Variants in TNIK observed in about 807,000 individuals in gnomAD.
TNIK encodes TRAF2 and NCK interacting kinase, also known as TRAF2 and NCK-interacting protein kinase.
TNIK carries 49 observed loss-of-function variants against 191.3 expected under a neutral mutation model. The observed-to-expected ratio is 0.26, with a 90% CI of 0.20 to 0.32. TNIK has a LOEUF of 0.32. Ranked by LOEUF, TNIK falls within the 10% of genes least tolerant of loss-of-function variation. The probability of loss-of-function intolerance (pLI) is 1.00; values close to 1 mark genes in which losing one functional copy is unlikely to be tolerated. For missense variants in TNIK, 1,155 were observed against 1,702.3 expected, an observed-to-expected ratio of 0.68 and a Z score of 5.66; for synonymous variants, 594 against 600.9, an observed-to-expected ratio of 0.99 and a Z score of 0.17.
intron 15 of TNIK, among the ~76,000 whole-genome samples, chr3:171,134,514 G>A (rs896554344): frequency 2.0e-5 from 3 of 152,224 alleles, no homozygotes; most frequent in African/African-American, 7.2e-5. Flanking sequence ...ACTACTCCTG[G>A]GTTCCAGAGA....
At chr3:171,244,059 A>AGTT (rs746551031) in intron 2 of TNIK, among the ~76,000 whole-genome samples, 17 of 106,396 alleles carry the variant, frequency 1.6e-4, no homozygotes, top group Non-Finnish European at 3.0e-4. Flanking sequence ...AGACAGAAAT[A>AGTT]GTTTTTTTTT....
At chr3:171,212,838 G>A (rs1427922766) in intron 3 of TNIK, among the ~76,000 whole-genome samples, 4 of 152,164 alleles carry the variant, frequency 2.6e-5, no homozygotes, top group African/African-American at 9.7e-5. Context: ...ATAGTGAAGT[G>A]CTGACATTTG....
At chr3:171,179,483 G>A (rs1197410803) in intron 7 of TNIK, among the ~76,000 whole-genome samples, 2 of 151,370 alleles carry the variant, frequency 1.3e-5, no homozygotes, top group South Asian at 4.2e-4. Flanking sequence ...ACGGAGTCTC[G>A]CTCTGTCGCC....
intron 30 of TNIK, among the ~76,000 whole-genome samples, chr3:171,067,544 C>T (rs995447780): frequency 6.6e-6 from 1 of 151,868 alleles, no homozygotes; most frequent in African/African-American, 2.4e-5. Context: ...ATGGTGGGCA[C>T]CTGTAGTCCC....
chr3:171,078,548 A>T (rs1185668298), intron 28 of TNIK, among the ~76,000 whole-genome samples: 5 of 151,772 alleles, frequency 3.3e-5, no homozygotes, highest in Non-Finnish European at 5.9e-5. Context: ...TAAAGCTATT[A>T]TAGTTTCTTG....
intron 2 of TNIK, among the ~76,000 whole-genome samples, chr3:171,305,332 A>T (rs1378757352): frequency 6.6e-6 from 1 of 152,128 alleles, no homozygotes; most frequent in African/African-American, 2.4e-5. Context: ...CTGGGCCAAA[A>T]GCAATTGCAA....
intron 1 of TNIK, among the ~76,000 whole-genome samples, chr3:171,441,784 C>T (rs1453662588): frequency 6.6e-6 from 1 of 152,134 alleles, no homozygotes; most frequent in Non-Finnish European, 1.5e-5. Flanking sequence ...TATGAGAGTT[C>T]CAGTTTCTGC....
At chr3:171,225,644 C>T (rs1008305918) in intron 3 of TNIK, 5 of 455,932 alleles carry the variant, frequency 1.1e-5, no homozygotes, top group South Asian at 6.2e-5. Context: ...ATTCCTTAAG[C>T]TGAAAATACA....
intron 4 of TNIK, among the ~76,000 whole-genome samples, chr3:171,199,943 T>G (rs1577100271): frequency 6.6e-6 from 1 of 152,378 alleles, no homozygotes; most frequent in African/African-American, 2.4e-5. Flanking sequence ...CAGTGTCCAC[T>G]TCACTTGGAT....
At chr3:171,344,957 C>T (rs1175026556) in intron 2 of TNIK, among the ~76,000 whole-genome samples, 1 of 151,998 alleles carries the variant, frequency 6.6e-6, no homozygotes, top group East Asian at 1.9e-4. Context: ...TCTACTTTGG[C>T]CCAGGCTCCA....
chr3:171,425,670 A>C (rs1724456718), intron 1 of TNIK, among the ~76,000 whole-genome samples: 1 of 152,048 alleles, frequency 6.6e-6, no homozygotes, highest in Non-Finnish European at 1.5e-5. Context: ...TACTAAAAAT[A>C]CAGAAAAGTT....
chr3:171,167,045 A>T, intron 10 of TNIK, 50 bp downstream of exon 10: 2 of 1,580,950 alleles, frequency 1.3e-6, no homozygotes, highest in Non-Finnish European at 1.7e-6. Flanking sequence ...AGCGCCCATG[A>T]TTCACTCCAT....
At chr3:171,175,592 A>T (rs1221038038) in intron 8 of TNIK, among the ~76,000 whole-genome samples, 1 of 152,246 alleles carries the variant, frequency 6.6e-6, no homozygotes, top group Non-Finnish European at 1.5e-5. Context: ...ATTTAAGGAA[A>T]CTAAGTTAAA....
At chr3:171,229,905 A>G (rs530366969) in intron 2 of TNIK, among the ~76,000 whole-genome samples, 1 of 152,080 alleles carries the variant, frequency 6.6e-6, no homozygotes, top group African/African-American at 2.4e-5. Flanking sequence ...TTACCTTGTA[A>G]AGAGCCCTGG....
intron 2 of TNIK, among the ~76,000 whole-genome samples, chr3:171,316,877 C>T (rs757647042): frequency 3.0e-4 from 45 of 149,640 alleles, no homozygotes; most frequent in Non-Finnish European, 5.2e-4. Context: ...GAACTATATA[C>T]AAGCGATTAC....
chr3:171,324,943 T>C (rs79569298), intron 2 of TNIK, among the ~76,000 whole-genome samples: 1 of 151,240 alleles, frequency 6.6e-6, no homozygotes, highest in East Asian at 1.9e-4. Flanking sequence ...CTAAAAAAAA[T>C]ACAAACAATT....
intron 2 of TNIK, among the ~76,000 whole-genome samples, chr3:171,295,340 A>G (rs140840748): frequency 1.1e-3 from 166 of 152,286 alleles, no homozygotes; most frequent in African/African-American, 3.8e-3. Context: ...AGATATTAGC[A>G]TCTCTCCTTC....
At chr3:171,125,729 G>C (rs939588946) in intron 17 of TNIK, among the ~76,000 whole-genome samples, 183 bp downstream of exon 17, 2 of 152,154 alleles carry the variant, frequency 1.3e-5, no homozygotes, top group Non-Finnish European at 2.9e-5. Context: ...GGAAATAAAG[G>C]TCAGACATGG....
At chr3:171,375,802 C>G (rs1717132782) in intron 1 of TNIK, among the ~76,000 whole-genome samples, 1 of 152,178 alleles carries the variant, frequency 6.6e-6, no homozygotes, top group Non-Finnish European at 1.5e-5. Context: ...CAATGCCTCC[C>G]CACTTCTTTG....
Sources: gnomAD v4.1 joint callset for allele counts (sites outside exome capture counted in the v4.1 genomes callset) on GRCh38, gnomAD v4.1.1 for gene constraint, MANE v1.5 for transcripts, NCBI Gene and HGNC (gene_info 2026-07-23, HGNC 2026-07-21) for gene names.